FBRSL1: variants seen among roughly 807,000 people sequenced by gnomAD.
FBRSL1 encodes fibrosin-1-like protein.
In FBRSL1, 51 loss-of-function variants were observed where a neutral mutation model predicts 89.6. That is an observed-to-expected ratio of 0.57 (90% confidence interval 0.45 to 0.72). The LOEUF (loss-of-function observed/expected upper bound fraction) is 0.72, where lower values mean the gene tolerates loss of function less well. FBRSL1 is among the 30% of genes least tolerant of loss of function. The pLI is 0.00. For synonymous variants in FBRSL1, 779 were observed against 681.1 expected (o/e 1.14, Z -2.24); for missense variants, 1,618 against 1,451.8 (o/e 1.11, Z -1.86).
At chr12:132,580,413 C>A (rs952089306) in intron 15 of FBRSL1, among the ~76,000 whole-genome samples, 2 of 138,308 alleles carry the variant, frequency 1.4e-5, no homozygotes, top group Admixed American at 1.5e-4. Context: ...TTTAAAGGAG[C>A]AGCTCTGACC....
intron 2 of FBRSL1, chr12:132,510,755 C>T (rs1249831354): frequency 4.2e-6 from 5 of 1,185,914 alleles, no homozygotes; most frequent in Admixed American, 4.6e-5. Flanking sequence ...TGCCCCCACC[C>T]GCGTTGCTGC....
rs2030635589 is a variant in FBRSL1, at chr12:132,490,391, G to GGTTGAGCCGCCCCCCGC, written c.-179_-178insTTGAGCCGCCCCCCGCG. On this transcript the variant is annotated 5_prime_UTR_variant, in exon 1 of 19. The change abolishes the stop of an existing upstream ORF in the 5' untranslated region. Coordinates refer to ENST00000680143, the MANE Select transcript of FBRSL1 (RefSeq NM_001367871.1). ...GGGTCCCAGGCCGCGCCGGGCCCGGGGCTGAGCCGCCCCCCGCGCCCGGCA... is the reference window on the plus strand; with the variant it reads ...GGGTCCCAGGCCGCGCCGGGCCCGGGGTTGAGCCGCCCCCCGCGCTGAGCCGCCCCCCGCGCCCGGCA... The GGTTGAGCCGCCCCCCGC allele has an allele frequency of 8.6e-6, 2 of 231,554 alleles. No homozygotes were observed. Among genetic ancestry groups the GGTTGAGCCGCCCCCCGC allele is most frequent in the Non-Finnish European group, 1.4e-5 (2 of 147,372 alleles). 14.3% of individuals were successfully genotyped at this position (231,554 alleles called of 1,614,324 possible).
intron 4 of FBRSL1, among the ~76,000 whole-genome samples, chr12:132,532,250 A>G (rs1247190162): frequency 2.6e-5 from 4 of 152,056 alleles, no homozygotes; most frequent in Non-Finnish European, 5.9e-5. Context: ...TGCACACGGC[A>G]TTTAGTTACC....
rs574914584 is a variant in FBRSL1 at position 132,519,277 on chromosome 12, G to C, written c.490-6457G>C. 1.8e-3 allele frequency among the ~76,000 whole-genome samples: 267 copies of C among 152,372 alleles called. 3 individuals carry two copies. The highest frequency in any genetic ancestry group is 6.1e-3 in the African/African-American group (252 of 41,586). On this transcript the variant is annotated intron_variant, in intron 2 of 18. Transcript: ENST00000680143. ...TTTAGAGAGACACTTAGGGGACTGTGGGAGCCTGGAGGAGCTCTTTACCTA... is the reference window on the plus strand; with the variant it reads ...TTTAGAGAGACACTTAGGGGACTGTCGGAGCCTGGAGGAGCTCTTTACCTA...
At chr12:132,493,948 A>G (rs374744365) in intron 1 of FBRSL1, among the ~76,000 whole-genome samples, 12 of 151,298 alleles carry the variant, frequency 7.9e-5, no homozygotes, top group African/African-American at 2.7e-4. Flanking sequence ...AGCATTAATG[A>G]TTAACTGCCC....
At chr12:132,525,272 C>G (rs979621596) in intron 2 of FBRSL1, among the ~76,000 whole-genome samples, 1 of 152,228 alleles carries the variant, frequency 6.6e-6, no homozygotes, top group Non-Finnish European at 1.5e-5. Context: ...CACTGAGGCT[C>G]GACCTGGAGG....
chr12:132,576,972 C>G, intron 15 of FBRSL1, 41 bp downstream of exon 15: 1 of 1,529,552 alleles, frequency 6.5e-7, no homozygotes, highest in African/African-American at 1.4e-5. Flanking sequence ...ACAGAAACCT[C>G]CCGCTCGTGC....
rs1432882046 is a variant in FBRSL1, at chr12:132,582,059, C to T, written c.1997-3C>T. 3 of 1,544,768 alleles carry T rather than the reference C, an allele frequency of 1.9e-6. No individual in the cohort carries two copies. The highest frequency in any genetic ancestry group is 2.6e-6 in the Non-Finnish European group (3 of 1,143,808). On this transcript the variant is annotated splice_region_variant and splice_polypyrimidine_tract_variant and intron_variant, in intron 17 of 18. Transcript: ENST00000680143. ...CCTCATGCTCCCCGGCCTCTGCCCCCAGCTCCCGGTGGCAGCATCTTTGCC... is the reference window on the plus strand; with the variant it reads ...CCTCATGCTCCCCGGCCTCTGCCCCTAGCTCCCGGTGGCAGCATCTTTGCC...
At chr12:132,581,304 A>ACC in intron 15 of FBRSL1, 135 bp from the exon 16 acceptor site, 1 of 1,519,718 alleles carries the variant, frequency 6.6e-7, no homozygotes, top group Non-Finnish European at 8.8e-7. Flanking sequence ...GACACGCTTC[A>ACC]CCCCTCAGGG....
chr12:132,557,563 A>G lies in FBRSL1; in HGVS notation c.645+9531A>G, dbSNP rs531577069. Among the ~76,000 whole-genome samples, 306 of 152,300 alleles carry G rather than the reference A, an allele frequency of 2.0e-3. 2 individuals are homozygous for G. Among genetic ancestry groups the G allele is most frequent in the African/African-American group, 7.1e-3 (295 of 41,564 alleles). On this transcript the variant is annotated intron_variant, in intron 5 of 18. Coordinates refer to ENST00000680143, the MANE Select transcript of FBRSL1 (RefSeq NM_001367871.1). ...GATCTCTGCCTGTTCCAGGATGGTC[A>G]GTGCTGAAGGCGGCCTCAGGACTGA...
chr12:132,541,566 C>T (rs1315220414), intron 4 of FBRSL1, among the ~76,000 whole-genome samples: 1 of 152,224 alleles, frequency 6.6e-6, no homozygotes, highest in African/African-American at 2.4e-5. Flanking sequence ...GCTAAGCCCA[C>T]ATGGTGGAGG....
chr12:132,500,021 C>T (rs373691780), intron 1 of FBRSL1, among the ~76,000 whole-genome samples: 2 of 152,112 alleles, frequency 1.3e-5, no homozygotes, highest in South Asian at 2.1e-4. Flanking sequence ...TCTCCACGCC[C>T]GTCTTCCCGG....
chr12:132,550,975 T>G, intron 5 of FBRSL1: 1 of 237,708 alleles, frequency 4.2e-6, no homozygotes, highest in Non-Finnish European at 8.6e-6. Flanking sequence ...CGTAGGCAGG[T>G]GTGGGAAGTC....
intron 4 of FBRSL1, among the ~76,000 whole-genome samples, chr12:132,537,018 G>T (rs1229480581): frequency 1.3e-5 from 2 of 152,188 alleles, no homozygotes; most frequent in African/African-American, 2.4e-5. Flanking sequence ...CTGACGTGGG[G>T]TGGGGTAGAG....
chr12:132,544,186 AGACT>A (rs1457677421), intron 4 of FBRSL1, among the ~76,000 whole-genome samples: 2 of 152,194 alleles, frequency 1.3e-5, no homozygotes, highest in Non-Finnish European at 2.9e-5. Context: ...GCTTAAAACC[AGACT>A]GACTGAGGGC....
chr12:132,509,875 C>T (rs368246645), intron 2 of FBRSL1: 5 of 1,231,702 alleles, frequency 4.1e-6, no homozygotes, highest in African/African-American at 3.1e-5. Flanking sequence ...CGACGGCCCG[C>T]CAGCTTCCTC....
chr12:132,556,627 G>T (rs1478887277), intron 5 of FBRSL1, among the ~76,000 whole-genome samples: 3 of 137,836 alleles, frequency 2.2e-5, no homozygotes, highest in Admixed American at 7.8e-5. Flanking sequence ...CCCTCCTGTG[G>T]GACGCTCCTC....
chr12:132,557,154 C>T (rs921907955), intron 5 of FBRSL1, among the ~76,000 whole-genome samples: 1 of 152,164 alleles, frequency 6.6e-6, no homozygotes, highest in Non-Finnish European at 1.5e-5. Context: ...CATGATGGCA[C>T]CCCCTGGCCA....
At chr12:132,509,400 C>T (rs982139874) in intron 2 of FBRSL1, 41 of 1,242,132 alleles carry the variant, frequency 3.3e-5, no homozygotes, top group Middle Eastern at 6.2e-4. Context: ...CTGCCAGCCC[C>T]GGCGGTCACT....
Sources: gnomAD v4.1 joint callset for allele counts (sites outside exome capture counted in the v4.1 genomes callset) on GRCh38, gnomAD v4.1.1 for gene constraint, MANE v1.5 for transcripts, NCBI Gene and HGNC (gene_info 2026-07-23, HGNC 2026-07-21) for gene names.